MYO1H: variants seen among roughly 807,000 people sequenced by gnomAD.
MYO1H encodes the protein unconventional myosin-Ih.
MYO1H carries 118 observed loss-of-function variants against 149.3 expected under a neutral mutation model. The observed-to-expected ratio is 0.79, with a 90% CI of 0.68 to 0.92. The LOEUF (loss-of-function observed/expected upper bound fraction) is 0.92. Among genes scored for constraint, MYO1H ranks in the 40% least tolerant of loss-of-function variants. The pLI, the probability that MYO1H is intolerant of heterozygous loss-of-function variation, is 0.00. For missense variants in MYO1H, 1,212 were observed against 1,280.7 expected (o/e 0.95, Z 0.82); for synonymous variants, 447 against 465.2 (o/e 0.96, Z 0.50).
chr12:109,355,735 CT>C (rs375179115), intron 1 of MYO1H, among the ~76,000 whole-genome samples: 10,993 of 143,786 alleles, frequency 0.076, 446 homozygotes, highest in Middle Eastern at 0.11. Flanking sequence ...TTTTCTTTTT[CT>C]TTTTTTTTTT....
At chr12:109,373,680 T>A (rs1015695106) in intron 1 of MYO1H, among the ~76,000 whole-genome samples, 1 of 152,212 alleles carries the variant, frequency 6.6e-6, no homozygotes, top group Admixed American at 6.5e-5. Context: ...CTTGGTCTAG[T>A]TACTTTTATA....
At position 109,421,037 on chromosome 12, in the gene MYO1H, A is replaced by G; in HGVS notation, c.1644+10A>G. 2 of 1,533,984 alleles carry G rather than the reference A, an allele frequency of 1.3e-6. No individual in the cohort carries two copies. The highest frequency in any genetic ancestry group is 1.8e-6 in the Non-Finnish European group (2 of 1,111,018). ...CAGACATCTGAAAGAAGTAAGTCTG[A>G]CACTTAACTGTATGTGTTTCTGATT... On this transcript the variant is annotated intron_variant, in intron 16 of 31. Transcript: ENST00000310903.
the MYO1H span, among the ~76,000 whole-genome samples, chr12:109,313,993 T>C: frequency 2.0e-5 from 3 of 152,150 alleles, no homozygotes; most frequent in Admixed American, 2.0e-4. Flanking sequence ...CAAGTGATTC[T>C]TCTGCCTCAG....
chr12:109,311,732 C>T, the MYO1H span, among the ~76,000 whole-genome samples: 1 of 152,112 alleles, frequency 6.6e-6, no homozygotes, highest in African/African-American at 2.4e-5. Flanking sequence ...TCATTTGCTC[C>T]GGTGTAGGGA....
At chr12:109,422,791 G>A (rs767106977) in intron 16 of MYO1H, among the ~76,000 whole-genome samples, 10 of 152,170 alleles carry the variant, frequency 6.6e-5, no homozygotes, top group South Asian at 2.1e-4. Context: ...AAAAAATGGG[G>A]TGCCAGGCAC....
intron 5 of MYO1H, among the ~76,000 whole-genome samples, chr12:109,398,741 CAAAAAA>C (rs35031072): frequency 1.2e-4 from 6 of 52,006 alleles, no homozygotes; most frequent in Admixed American, 2.7e-4. Context: ...AACTTCCTCT[CAAAAAA>C]AAAAAAAAAA....
chr12:109,410,820 T>G, intron 13 of MYO1H, 52 bp downstream of exon 13: 1 of 1,231,388 alleles, frequency 8.1e-7, no homozygotes, highest in Non-Finnish European at 1.2e-6. Context: ...CTTACAACTC[T>G]TGGAAGAACT....
At chr12:109,383,611 C>T (rs1231819171) in intron 1 of MYO1H, among the ~76,000 whole-genome samples, 1 of 152,208 alleles carries the variant, frequency 6.6e-6, no homozygotes, top group East Asian at 1.9e-4. Flanking sequence ...AAGAAATTCT[C>T]AGTCATTGCA....
exon 3 of MYO1H, chr12:109,393,438 A>G: frequency 2.5e-6 from 4 of 1,574,668 alleles, no homozygotes; most frequent in Non-Finnish European, 3.5e-6. Flanking sequence ...TTGAACTGCC[A>G]CCACATGTGT....
At position 109,364,513 on chromosome 12, in the gene MYO1H, T is replaced by TG. The variant is rs374878379; in HGVS notation, c.12+16545dup. 8.0e-4 allele frequency among the ~76,000 whole-genome samples: 121 copies of TG among 152,194 alleles called. 1 individual carries two copies. Among genetic ancestry groups the TG allele is most frequent in the African/African-American group, 2.8e-3 (116 of 41,550 alleles). The stretch of plus-strand genomic sequence containing the variant: ...CTAATTTTTGTATTTTTTGTAGAGA[T>TG]GGGGTTTCTCCATATTGCCCAGGCT... On this transcript the variant is annotated intron_variant, in intron 1 of 31. Transcript: ENST00000310903.
the MYO1H span, among the ~76,000 whole-genome samples, chr12:109,341,863 T>A: frequency 6.6e-6 from 1 of 152,162 alleles, no homozygotes; most frequent in African/African-American, 2.4e-5. Flanking sequence ...TGTAGTCTGC[T>A]GGCTTCCTGG....
At chr12:109,448,011 G>A (rs1592828040) in exon 32 of MYO1H, 1 of 152,212 alleles carries the variant, frequency 6.6e-6, no homozygotes, top group African/African-American at 2.4e-5. Context: ...CTTTGCAAGC[G>A]TTTATTTACT....
chr12:109,409,610 C>A (rs1168243334), exon 11 of MYO1H: 2 of 1,613,224 alleles, frequency 1.2e-6, no homozygotes, highest in South Asian at 1.1e-5. Context: ...GGTTTGAAGT[C>A]TTTGACAAGA....
At chr12:109,436,082 T>C (rs1360927640) in intron 21 of MYO1H, among the ~76,000 whole-genome samples, 1 of 152,200 alleles carries the variant, frequency 6.6e-6, no homozygotes, top group Non-Finnish European at 1.5e-5. Context: ...CCTGGATTCA[T>C]GCTCCTCCTT....
At chr12:109,323,443 T>G in the MYO1H span, among the ~76,000 whole-genome samples, 1 of 152,238 alleles carries the variant, frequency 6.6e-6, no homozygotes, top group African/African-American at 2.4e-5. Flanking sequence ...TGAATTCTTA[T>G]GAGTCACCTG....
At chr12:109,393,144 C>T (rs1451031523) in intron 2 of MYO1H, among the ~76,000 whole-genome samples, 187 bp from the exon 3 acceptor site, 1 of 152,132 alleles carries the variant, frequency 6.6e-6, no homozygotes, top group Non-Finnish European at 1.5e-5. Context: ...CTTCCTGCAG[C>T]TGTCTTCATT....
At chr12:109,382,877 A>C (rs886099217) in intron 1 of MYO1H, among the ~76,000 whole-genome samples, 4 of 148,356 alleles carry the variant, frequency 2.7e-5, no homozygotes, top group African/African-American at 9.8e-5. Context: ...TAAAAATATG[A>C]ATTAAAATAA....
Position 109,443,355 on chromosome 12 carries a change from TACACACACACAC to T in MYO1H, c.2689-131_2689-120del, listed in dbSNP as rs10545297. On this transcript the variant is annotated intron_variant, in intron 27 of 31. Transcript: ENST00000310903. The stretch of plus-strand genomic sequence containing the variant: ...ATGTGTACGTATATATGTGTGTATA[TACACACACACAC>T]ACACACACACACACACACACACACA... Among the ~76,000 whole-genome samples, 31 of 74,774 alleles carry T rather than the reference TACACACACACAC, an allele frequency of 4.1e-4. 5 individuals carry two copies. Among genetic ancestry groups the T allele is most frequent in the South Asian group, 2.1e-3 (5 of 2,376 alleles). The allele number at this position is 74,774 out of a possible 152,430, so 49.1% of individuals were successfully genotyped here.
At chr12:109,321,218 C>T in the MYO1H span, among the ~76,000 whole-genome samples, 1 of 152,130 alleles carries the variant, frequency 6.6e-6, no homozygotes, top group African/African-American at 2.4e-5. Context: ...TTTGCAATGT[C>T]TAAACCAGCC....
Sources: allele counts gnomAD v4.1 joint callset (sites outside exome capture counted in the v4.1 genomes callset), GRCh38; gene constraint gnomAD v4.1.1; transcripts MANE v1.5; gene names NCBI Gene and HGNC (gene_info 2026-07-23, HGNC 2026-07-21).